SETX: variants seen among roughly 807,000 people sequenced by gnomAD.
The protein encoded by SETX is helicase senataxin.
SETX carries 90 observed loss-of-function variants against 227.2 expected under a neutral mutation model. That is an observed-to-expected ratio of 0.40 (90% CI 0.33 to 0.47). SETX has a LOEUF of 0.47. Among genes scored for constraint, SETX ranks in the 20% least tolerant of loss-of-function variants. The probability of loss-of-function intolerance (pLI) is 0.91; values close to 1 mark genes in which losing one functional copy is unlikely to be tolerated. For synonymous variants in SETX, 1,210 were observed against 1,113.2 expected (o/e 1.09, Z -1.73); for missense variants, 3,052 against 3,181.5 (o/e 0.96, Z 0.98).
At chr9:132,271,976 G>A (rs1194040652) in intron 23 of SETX, among the ~76,000 whole-genome samples, 168 bp from the exon 24 acceptor site, 1 of 151,216 alleles carries the variant, frequency 6.6e-6, no homozygotes, top group Non-Finnish European at 1.5e-5. Context: ...TCTGCCTCCC[G>A]GGTTCACGCC....
At chr9:132,302,587 G>A (rs1240708431) in intron 11 of SETX, among the ~76,000 whole-genome samples, 1 of 149,108 alleles carries the variant, frequency 6.7e-6, no homozygotes, top group Non-Finnish European at 1.5e-5. Flanking sequence ...TTGAACCTGG[G>A]AGGTGGAGAT....
chr9:132,276,616 T>C (rs1843176902), intron 22 of SETX, among the ~76,000 whole-genome samples: 1 of 152,364 alleles, frequency 6.6e-6, no homozygotes, highest in East Asian at 1.9e-4. Context: ...TTTGCTGTCA[T>C]ATACAGACCA....
At chr9:132,285,970 G>A (rs1167692061) in intron 18 of SETX, among the ~76,000 whole-genome samples, 3 of 149,320 alleles carry the variant, frequency 2.0e-5, no homozygotes, top group Non-Finnish European at 3.0e-5. Flanking sequence ...GGATCATGAC[G>A]TCAAGAGATC....
intron 11 of SETX, among the ~76,000 whole-genome samples, chr9:132,303,418 C>A: frequency 7.5e-6 from 1 of 133,922 alleles, no homozygotes; most frequent in Non-Finnish European, 1.6e-5. Context: ...AACATAAACA[C>A]AAAAATTAAA....
In SETX at chr9:132,274,587, G is replaced by A. The variant is rs144836876; in HGVS notation, c.7100+669C>T. On this transcript the variant is annotated intron_variant, in intron 23 of 25. Coordinates refer to ENST00000224140, the MANE Select transcript of SETX (RefSeq NM_015046.7). ...CTTCCGAGTAGCAGGGACTACGGGA[G>A]CGCGCCACCACGCCTGGCTAATTTT... 1.4e-3 allele frequency among the ~76,000 whole-genome samples: 209 copies of A among 151,960 alleles called. 1 individual carries two copies. The highest frequency in any genetic ancestry group is 4.3e-3 in the African/African-American group (178 of 41,418).
intron 15 of SETX, among the ~76,000 whole-genome samples, chr9:132,289,873 G>C (rs1044248473): frequency 6.6e-6 from 1 of 151,962 alleles, no homozygotes. Flanking sequence ...TAATGTTTTT[G>C]TTTTTTTCTT....
rs1287221979 is a variant in SETX at position 132,326,647 on chromosome 9, C to T, written c.4951G>A (p.Glu1651Lys). 6.2e-7 allele frequency: 1 copy of T among 1,614,218 alleles called. No individual in the cohort carries two copies. The highest frequency in any genetic ancestry group is 1.7e-5 in the Admixed American group (1 of 60,022). The change falls in exon 10 of 26, where the codon GAA becomes AAA. Residue 1651 changes from glutamate to lysine, a missense_variant. Coordinates refer to ENST00000224140, the MANE Select transcript of SETX (RefSeq NM_015046.7). ...AGAACATTGCACGAATTCTTCATTT[C>T]ACCAACTGGCTTCTGAGCTATGAGG... The part of the protein sequence containing the change: ...VPLIAQKPVG[E>K]MKNSCNVLHP...
chr9:132,284,254 G>C (rs1381415113), intron 18 of SETX, among the ~76,000 whole-genome samples: 4 of 152,162 alleles, frequency 2.6e-5, no homozygotes, highest in Non-Finnish European at 4.4e-5. Context: ...GTGATGAGCA[G>C]CAAAAAACAT....
chr9:132,278,566 T>C lies in SETX; in HGVS notation c.6655-309A>G, dbSNP rs78084433. 0.094 allele frequency among the ~76,000 whole-genome samples: 14,145 copies of C among 150,308 alleles called. 735 individuals are homozygous for C. The highest frequency in any genetic ancestry group is 0.15 in the South Asian group (725 of 4,716). On this transcript the variant is annotated intron_variant, in intron 20 of 25. Transcript: ENST00000224140. Reference sequence around the variant, plus strand: ...ACCTCCCAGGTTCAAGCGATTCTCATGTCTCTGGCCTCCTGAGTAGCTGGG... The same window carrying C: ...ACCTCCCAGGTTCAAGCGATTCTCACGTCTCTGGCCTCCTGAGTAGCTGGG...
At position 132,327,831 on chromosome 9, in the gene SETX, C is replaced by T. The variant is rs772922313; in HGVS notation, c.3767G>A (p.Ser1256Asn). ...TGTTCTACAACTTAGGTAATTTGAA[C>T]TTCTATTCTGTCCTTTTTTGGCATC... is the stretch of plus-strand genomic sequence containing the variant. ...HSDAKKGQNR[S>N]SNYLSCRTTP... The change falls in exon 10 of 26, where the codon AGT becomes AAT. Residue 1256 changes from serine to asparagine, a missense_variant. This residue lies in a region of SETX where 1,483 missense variants were observed against 1,312.0 expected (regional missense o/e 1.13). Coordinates refer to ENST00000224140, the MANE Select transcript of SETX (RefSeq NM_015046.7). 16 of 1,614,118 alleles carry T rather than the reference C, an allele frequency of 9.9e-6. No homozygotes were observed. Among genetic ancestry groups the T allele is most frequent in the Non-Finnish European group, 1.3e-5 (15 of 1,180,016 alleles).
chr9:132,284,780 T>C (rs1843741800), intron 18 of SETX, among the ~76,000 whole-genome samples: 2 of 152,180 alleles, frequency 1.3e-5, no homozygotes, highest in Admixed American at 6.5e-5. Context: ...TCTATCCAGG[T>C]TGGAGCTCTG....
intron 11 of SETX, among the ~76,000 whole-genome samples, chr9:132,301,132 G>A (rs1415137411): frequency 3.3e-5 from 4 of 122,428 alleles, no homozygotes; most frequent in African/African-American, 9.1e-5. Context: ...TCGCTGTGTT[G>A]CCCAGGCTGG....
intron 23 of SETX, among the ~76,000 whole-genome samples, chr9:132,273,165 T>G (rs912794808): frequency 8.0e-5 from 11 of 138,230 alleles, no homozygotes; most frequent in Non-Finnish European, 1.7e-4. Flanking sequence ...ATTTAGGTGG[T>G]TTTTTTTTTG....
chr9:132,319,440 T>C (rs981172164), intron 10 of SETX, among the ~76,000 whole-genome samples: 64 of 152,188 alleles, frequency 4.2e-4, no homozygotes, highest in African/African-American at 1.5e-3. Context: ...GAGAATGAAA[T>C]ATCAACCTGC....
At chr9:132,297,993 A>T (rs1419586187) in intron 13 of SETX, 87 bp downstream of exon 13, 1 of 1,142,716 alleles carries the variant, frequency 8.8e-7, no homozygotes, top group African/African-American at 1.5e-5. Flanking sequence ...TTTTTGTTGT[A>T]AACATATAGG....
At chr9:132,265,079 C>T in intron 25 of SETX, 94 bp from the exon 26 acceptor site, 24 of 1,366,898 alleles carry the variant, frequency 1.8e-5, no homozygotes, top group Middle Eastern at 1.8e-4. Flanking sequence ...ACAAATAATA[C>T]ATATTATTGT....
intron 2 of SETX, among the ~76,000 whole-genome samples, chr9:132,352,535 G>A (rs949353148): frequency 1.3e-5 from 2 of 152,122 alleles, no homozygotes; most frequent in Non-Finnish European, 2.9e-5. Context: ...GAGGGATCAC[G>A]AGGTCAAGAG....
chr9:132,353,798 A>T (rs1433530669), intron 1 of SETX, 43 bp from the exon 2 acceptor site: 1 of 152,268 alleles, frequency 6.6e-6, no homozygotes, highest in African/African-American at 2.4e-5. Context: ...AGTGGCATTT[A>T]TACTCTATAT....
At chr9:132,319,372 T>C (rs1454939592) in intron 10 of SETX, among the ~76,000 whole-genome samples, 1 of 152,196 alleles carries the variant, frequency 6.6e-6, no homozygotes, top group Non-Finnish European at 1.5e-5. Flanking sequence ...ACTATTACTA[T>C]TCCCCCAGTC....
Sources: gnomAD v4.1 joint callset for allele counts (sites outside exome capture counted in the v4.1 genomes callset) on GRCh38, gnomAD v4.1.1 for gene constraint, gnomAD v4.1.1 regional missense constraint, MANE v1.5 for transcripts, NCBI Gene and HGNC (gene_info 2026-07-23, HGNC 2026-07-21) for gene names.